The following PARD3 variants were observed in gnomAD, a reference collection of about 807,000 sequenced individuals.
The protein encoded by PARD3 is partitioning defective 3 homolog.
A neutral mutation model predicts 155.4 loss-of-function variants in PARD3; 75 were observed. The ratio of observed to expected loss-of-function variants is 0.48; its 90% confidence interval spans 0.40 to 0.58. The LOEUF (loss-of-function observed/expected upper bound fraction) is 0.58, where lower values mean the gene tolerates loss of function less well. PARD3 is among the 20% of genes least tolerant of loss of function. The pLI, the probability that PARD3 is intolerant of heterozygous loss-of-function variation, is 0.00. For synonymous variants in PARD3, 576 were observed against 610.5 expected, an observed-to-expected ratio of 0.94 and a Z score of 0.83; for missense variants, 1,642 against 1,721.7, an observed-to-expected ratio of 0.95 and a Z score of 0.82.
chr10:34,482,802 G>A (rs1437824250), intron 3 of PARD3, among the ~76,000 whole-genome samples: 3 of 151,990 alleles, frequency 2.0e-5, no homozygotes, highest in Non-Finnish European at 4.4e-5. Context: ...CAAGTTAGAG[G>A]GAGGATAGAG....
chr10:34,261,809 G>GAAAGAA (rs1955024151), intron 22 of PARD3, among the ~76,000 whole-genome samples: 1 of 84,880 alleles, frequency 1.2e-5, no homozygotes, highest in Non-Finnish European at 3.2e-5. Context: ...AAGAAAGAAA[G>GAAAGAA]AAAGAAAGAA....
At chr10:34,581,964 GT>G (rs1368640809) in intron 2 of PARD3, among the ~76,000 whole-genome samples, 3 of 152,214 alleles carry the variant, frequency 2.0e-5, no homozygotes, top group Non-Finnish European at 4.4e-5. Context: ...ACAGCAAGCT[GT>G]TTTCACATTA....
chr10:34,671,098 A>C (rs904229737), intron 2 of PARD3, among the ~76,000 whole-genome samples: 1 of 152,262 alleles, frequency 6.6e-6, no homozygotes, highest in Non-Finnish European at 1.5e-5. Flanking sequence ...GACTCGCAGT[A>C]AGAATTACAG....
chr10:34,554,589 T>C (rs562661364), intron 2 of PARD3, among the ~76,000 whole-genome samples: 1 of 152,312 alleles, frequency 6.6e-6, no homozygotes, highest in East Asian at 1.9e-4. Flanking sequence ...TCAAAGACTT[T>C]AAACTCTATG....
At chr10:34,556,917 C>CA (rs1317440873) in intron 2 of PARD3, among the ~76,000 whole-genome samples, 1 of 152,114 alleles carries the variant, frequency 6.6e-6, no homozygotes, top group African/African-American at 2.4e-5. Context: ...TTTCTAGACA[C>CA]ATAGATATAC....
intron 4 of PARD3, among the ~76,000 whole-genome samples, chr10:34,450,947 G>C (rs2077022232): frequency 6.6e-6 from 1 of 152,118 alleles, no homozygotes; most frequent in Non-Finnish European, 1.5e-5. Context: ...AAGAGATTTA[G>C]ATTATTCAGG....
intron 2 of PARD3, among the ~76,000 whole-genome samples, chr10:34,627,241 C>T (rs2092023282): frequency 6.6e-6 from 1 of 152,100 alleles, no homozygotes; most frequent in Admixed American, 6.5e-5. Flanking sequence ...CTTTGTTGCT[C>T]AGGCTTGAAC....
At chr10:34,431,465 G>A (rs964783599) in intron 5 of PARD3, among the ~76,000 whole-genome samples, 1 of 152,172 alleles carries the variant, frequency 6.6e-6, no homozygotes, top group Non-Finnish European at 1.5e-5. Flanking sequence ...CTCAGGCTGG[G>A]TGCAAGGGGC....
intron 2 of PARD3, 36 bp downstream of exon 2, chr10:34,696,282 T>G: frequency 9.1e-7 from 1 of 1,101,588 alleles, no homozygotes. Flanking sequence ...AAAAAAAAAA[T>G]GCATTCAGAA....
chr10:34,606,400 T>C (rs1490311348), intron 2 of PARD3, among the ~76,000 whole-genome samples: 1 of 151,920 alleles, frequency 6.6e-6, no homozygotes, highest in African/African-American at 2.4e-5. Flanking sequence ...CCGGATCCAG[T>C]TCCCCTCCTC....
chr10:34,556,457 A>G (rs1164023276), intron 2 of PARD3, among the ~76,000 whole-genome samples: 1 of 148,410 alleles, frequency 6.7e-6, no homozygotes, highest in Non-Finnish European at 1.5e-5. Context: ...ATCTCCGCTC[A>G]CTGCAAGCTC....
chr10:34,386,271 T>C (rs1271752680), intron 7 of PARD3, among the ~76,000 whole-genome samples: 2 of 152,218 alleles, frequency 1.3e-5, no homozygotes, highest in Non-Finnish European at 2.9e-5. Flanking sequence ...AGATAATATT[T>C]AGTTACTTAT....
chr10:34,459,363 G>A (rs1242118579), intron 4 of PARD3, among the ~76,000 whole-genome samples: 3 of 151,970 alleles, frequency 2.0e-5, no homozygotes, highest in Non-Finnish European at 4.4e-5. Context: ...AGTAGAGGCG[G>A]GGTTTCACCG....
intron 20 of PARD3, among the ~76,000 whole-genome samples, chr10:34,306,683 C>T (rs1333962724): frequency 2.6e-5 from 4 of 152,110 alleles, no homozygotes; most frequent in Non-Finnish European, 4.4e-5. Context: ...AATACCATGA[C>T]GTAGATCCAT....
chr10:34,423,646 A>G (rs2075436097), intron 5 of PARD3, among the ~76,000 whole-genome samples: 1 of 152,206 alleles, frequency 6.6e-6, no homozygotes, highest in African/African-American at 2.4e-5. Flanking sequence ...GTTATTAACC[A>G]AAAATTACCC....
At chr10:34,273,547 A>G (rs1955733876) in intron 21 of PARD3, among the ~76,000 whole-genome samples, 1 of 152,164 alleles carries the variant, frequency 6.6e-6, no homozygotes, top group Admixed American at 6.5e-5. Flanking sequence ...TGGCTACACT[A>G]ATGTGCACAG....
chr10:34,218,027 A>G (rs942267930), intron 22 of PARD3, among the ~76,000 whole-genome samples: 1 of 151,834 alleles, frequency 6.6e-6, no homozygotes, highest in East Asian at 1.9e-4. Context: ...CCAGAATACT[A>G]CCTCCCTTCC....
At chr10:34,646,360 CCA>C (rs1375237149) in intron 2 of PARD3, among the ~76,000 whole-genome samples, 2 of 152,106 alleles carry the variant, frequency 1.3e-5, no homozygotes, top group Non-Finnish European at 2.9e-5. Flanking sequence ...AAATAATTTC[CCA>C]ACTGCATTTC....
chr10:34,250,633 T>C (rs1276751213), intron 22 of PARD3, among the ~76,000 whole-genome samples: 1 of 150,498 alleles, frequency 6.6e-6, no homozygotes. Flanking sequence ...AGTAAGCCCC[T>C]TTTCAGATTT....
Sources: allele counts gnomAD v4.1 joint callset (sites outside exome capture counted in the v4.1 genomes callset), GRCh38; gene constraint gnomAD v4.1.1; transcripts MANE v1.5; gene names NCBI Gene and HGNC (gene_info 2026-07-23, HGNC 2026-07-21).